Variants in TRDMT1 observed in about 807,000 individuals in gnomAD.
TRDMT1 encodes tRNA aspartic acid methyltransferase 1, also known as tRNA (cytosine(38)-C(5))-methyltransferase.
In TRDMT1, 49 loss-of-function variants were observed where a neutral mutation model predicts 51.2. The observed-to-expected ratio is 0.96, with a 90% CI of 0.76 to 1.21. TRDMT1 has a LOEUF of 1.21. TRDMT1 is among the 50% of genes most tolerant of loss of function. TRDMT1 has a pLI of 0.00. For synonymous variants in TRDMT1, 187 were observed against 164.6 expected, an observed-to-expected ratio of 1.14 and a Z score of -1.04; for missense variants, 534 against 462.3, an observed-to-expected ratio of 1.16 and a Z score of -1.42.
At chr10:17,188,899 C>A (rs1844310640) in intron 1 of TRDMT1, among the ~76,000 whole-genome samples, 1 of 152,122 alleles carries the variant, frequency 6.6e-6, no homozygotes, top group African/African-American at 2.4e-5. Context: ...ACAATAACAT[C>A]CAACACTTGT....
At chr10:17,158,496 A>G (rs1360809476) in intron 7 of TRDMT1, among the ~76,000 whole-genome samples, 2 of 152,136 alleles carry the variant, frequency 1.3e-5, no homozygotes, top group Non-Finnish European at 2.9e-5. Context: ...TTGAGGTGAC[A>G]CTACCAATCC....
In TRDMT1 at chr10:17,143,059, T is replaced by C. The variant is rs979683317; in HGVS notation, c.*5981A>G. The C allele has an allele frequency of 1.7e-5, 17 of 985,340 alleles. No individual in the cohort carries two copies. In the Admixed American group the frequency reaches 4.3e-4, roughly 25 times the overall value. The allele number at this position is 985,340 out of a possible 1,614,324, so 61.0% of individuals were successfully genotyped here. On this transcript the variant is annotated 3_prime_UTR_variant, in exon 11 of 11. Coordinates refer to ENST00000377799, the MANE Select transcript of TRDMT1 (RefSeq NM_004412.7). ...TATCCCAGAATTATTTTTTAAATCA[T>C]GTGTTCCAGACTTGAGTAACTTTGG...
chr10:17,148,400 C>T lies in TRDMT1; in HGVS notation c.*640G>A. The T allele has an allele frequency of 2.0e-6, 2 of 985,394 alleles. No individual in the cohort carries two copies. The highest frequency in any genetic ancestry group is 2.4e-6 in the Non-Finnish European group (2 of 829,924). 61.0% of individuals were successfully genotyped at this position (985,394 alleles called of 1,614,324 possible). ...ATGAAGAAGGAAAAATGAGTTTTGT[C>T]CTTCAGATAGAGGCTGAGGAAAATG... On this transcript the variant is annotated 3_prime_UTR_variant, in exon 11 of 11. Coordinates refer to ENST00000377799, the MANE Select transcript of TRDMT1 (RefSeq NM_004412.7).
In TRDMT1 at chr10:17,146,343, C is replaced by A; in HGVS notation, c.*2697G>T. On this transcript the variant is annotated 3_prime_UTR_variant, in exon 11 of 11. Coordinates refer to ENST00000377799, the MANE Select transcript of TRDMT1 (RefSeq NM_004412.7). The stretch of plus-strand genomic sequence containing the variant: ...TGCCCATGGTGAAGGTCTGATTTCA[C>A]AGACAGAACACCATGGCCAGGGTCC... 2.0e-6 allele frequency: 2 copies of A among 985,438 alleles called. No individual in the cohort carries two copies. Among genetic ancestry groups the A allele is most frequent in the African/African-American group, 3.5e-5 (2 of 57,374 alleles). 61.0% of individuals were successfully genotyped at this position (985,438 alleles called of 1,614,324 possible).
At chr10:17,174,501 A>G in intron 2 of TRDMT1, 50 bp downstream of exon 2, 1 of 1,315,380 alleles carries the variant, frequency 7.6e-7, no homozygotes, top group Non-Finnish European at 1.1e-6. Context: ...AGTGTTTTTC[A>G]ATCACATTTC....
At position 17,138,102 on chromosome 10, in the gene TRDMT1, T is replaced by C. The variant is rs1394547131; in HGVS notation, c.*10938A>G. On this transcript the variant is annotated 3_prime_UTR_variant, in exon 11 of 11. Transcript: ENST00000377799. ...AGAGGGTTGAGATGCAGAGGTGCGTTGGAGGATGGACAAATTGGCAAGATT... is the reference window on the plus strand; with the variant it reads ...AGAGGGTTGAGATGCAGAGGTGCGTCGGAGGATGGACAAATTGGCAAGATT... 1.3e-5 allele frequency among the ~76,000 whole-genome samples: 2 copies of C among 152,310 alleles called. No homozygotes were observed. The highest frequency in any genetic ancestry group is 1.9e-4 in the East Asian group (1 of 5,180).
intron 2 of TRDMT1, chr10:17,169,469 TG>T (rs1841671654): frequency 1.9e-5 from 24 of 1,289,700 alleles, no homozygotes; most frequent in Non-Finnish European, 2.4e-5. Flanking sequence ...TTCAAATGAC[TG>T]TTGACAAGAT....
chr10:17,149,817 T>C (rs967165333), intron 10 of TRDMT1, among the ~76,000 whole-genome samples: 25 of 152,206 alleles, frequency 1.6e-4, no homozygotes, highest in Non-Finnish European at 4.4e-5. Context: ...AATACTTCAT[T>C]CCTTGTTGGT....
At chr10:17,159,345 T>C (rs1005728263) in intron 6 of TRDMT1, 116 bp from the exon 7 acceptor site, 4 of 602,824 alleles carry the variant, frequency 6.6e-6, no homozygotes, top group Non-Finnish European at 1.1e-5. Context: ...ATTTAGCTTC[T>C]ACCACAGCAA....
chr10:17,201,476 C>CCCCACAGTGTCCGT, intron 1 of TRDMT1, 95 bp downstream of exon 1: 1 of 1,339,298 alleles, frequency 7.5e-7, no homozygotes, highest in Non-Finnish European at 1.0e-6. Flanking sequence ...ACAGTGTCCG[C>CCCCACAGTGTCCGT]CCCTTGCGTC....
In TRDMT1 at chr10:17,149,147, A is replaced by C. The variant is rs1838376407; in HGVS notation, c.1076-7T>G. ...GTTATCTTCTCAGGAAATCCTAAAA[A>C]GACAAAGAACAATTTAAAGAAATCA... On this transcript the variant is annotated splice_polypyrimidine_tract_variant and splice_region_variant and intron_variant, in intron 10 of 10. Transcript: ENST00000377799. 13 of 1,593,274 alleles carry C rather than the reference A, an allele frequency of 8.2e-6. No homozygotes were observed. Among genetic ancestry groups the C allele is most frequent in the Non-Finnish European group, 1.1e-5 (13 of 1,165,314 alleles).
intron 1 of TRDMT1, among the ~76,000 whole-genome samples, chr10:17,195,873 G>A (rs1462163726): frequency 6.6e-6 from 1 of 151,888 alleles, no homozygotes; most frequent in Non-Finnish European, 1.5e-5. Context: ...CTATATAAGA[G>A]TAACTAGAAG....
intron 3 of TRDMT1, among the ~76,000 whole-genome samples, chr10:17,168,170 G>A (rs1435351917): frequency 6.6e-6 from 1 of 152,090 alleles, no homozygotes; most frequent in Non-Finnish European, 1.5e-5. Flanking sequence ...GGGCATGGAA[G>A]TACATACCTT....
intron 3 of TRDMT1, 114 bp from the exon 4 acceptor site, chr10:17,162,351 T>G (rs1162588139): frequency 2.0e-6 from 2 of 984,314 alleles, no homozygotes; most frequent in African/African-American, 3.3e-5. Flanking sequence ...AATAAGTTGG[T>G]CCTCACAAAA....
chr10:17,160,419 G>C (rs1456925978), intron 5 of TRDMT1, 45 bp from the exon 6 acceptor site: 1 of 1,303,882 alleles, frequency 7.7e-7, no homozygotes, highest in Non-Finnish European at 1.0e-6. Context: ...TGGAAAGGCA[G>C]TTCTTATTTA....
In TRDMT1 at chr10:17,142,957, T is replaced by C. The variant is rs1364340553; in HGVS notation, c.*6083A>G. 1.0e-6 allele frequency: 1 copy of C among 979,078 alleles called. No individual in the cohort carries two copies. Among genetic ancestry groups the C allele is most frequent in the Non-Finnish European group, 1.2e-6 (1 of 824,342 alleles). The allele number at this position is 979,078 out of a possible 1,614,324, so 60.6% of individuals were successfully genotyped here. ...GGAGCAGGGAGAAATAAATCTACAC[T>C]CTCTTGTCAAGACCAGAAGTCAGAA... On this transcript the variant is annotated 3_prime_UTR_variant, in exon 11 of 11. Transcript: ENST00000377799.
In TRDMT1 at chr10:17,148,753, T is replaced by A; in HGVS notation, c.*287A>T. The A allele has an allele frequency of 3.9e-6, 4 of 1,032,080 alleles. No individual in the cohort carries two copies. Among genetic ancestry groups the A allele is most frequent in the Non-Finnish European group, 4.7e-6 (4 of 859,200 alleles). 63.9% of individuals were successfully genotyped at this position (1,032,080 alleles called of 1,614,324 possible). On this transcript the variant is annotated 3_prime_UTR_variant, in exon 11 of 11. Transcript: ENST00000377799. The stretch of plus-strand genomic sequence containing the variant: ...CACTAAAGCTCTAGTGCTCCTTGAT[T>A]TGTTTATAAAATTGTTTTTAAAAAG...
rs1162385590 is a variant in TRDMT1 at position 17,145,102 on chromosome 10, C to G, written c.*3938G>C. On this transcript the variant is annotated 3_prime_UTR_variant, in exon 11 of 11. Coordinates refer to ENST00000377799, the MANE Select transcript of TRDMT1 (RefSeq NM_004412.7). ...CGATCTCTACTAATACAAAAATTAG[C>G]TAGGTGTGGTGGCATGCGCCTGTAA... 1 of 616,054 alleles carries G rather than the reference C, an allele frequency of 1.6e-6. No homozygotes were observed. The highest frequency in any genetic ancestry group is 2.0e-6 in the Non-Finnish European group (1 of 492,874). The allele number at this position is 616,054 out of a possible 1,614,324, so 38.2% of individuals were successfully genotyped here. A position where few individuals can be genotyped will look rare whatever the true frequency, so the allele number is the denominator to read the frequency against.
At chr10:17,182,678 T>TA (rs768684250) in intron 1 of TRDMT1, among the ~76,000 whole-genome samples, 36 of 152,314 alleles carry the variant, frequency 2.4e-4, no homozygotes, top group Non-Finnish European at 3.1e-4. Flanking sequence ...TATATATGGA[T>TA]ACTAAATACA....
Sources: allele counts gnomAD v4.1 joint callset (sites outside exome capture counted in the v4.1 genomes callset), GRCh38; gene constraint gnomAD v4.1.1; transcripts MANE v1.5; gene names NCBI Gene and HGNC (gene_info 2026-07-23, HGNC 2026-07-21).